Variants in MBD5 observed in about 807,000 individuals in gnomAD.
The protein encoded by MBD5 is methyl-CpG-binding domain protein 5.
Under a neutral mutation model 117.3 loss-of-function variants are expected in MBD5, and 13 were observed. That is an observed-to-expected ratio of 0.11 (90% CI 0.07 to 0.18). MBD5 has a LOEUF of 0.18. MBD5 is among the 10% of genes least tolerant of loss of function. The pLI, the probability that MBD5 is intolerant of heterozygous loss-of-function variation, is 1.00. For synonymous variants in MBD5, 727 were observed against 766.4 expected, an observed-to-expected ratio of 0.95 and a Z score of 0.85; for missense variants, 1,879 against 2,093.8, an observed-to-expected ratio of 0.90 and a Z score of 2.00.
Position 148,228,410 on chromosome 2 carries a change from C to T in MBD5, c.-830-4835C>T, listed in dbSNP as rs568251885. On this transcript the variant is annotated intron_variant, in intron 2 of 13. Coordinates refer to ENST00000642680, the MANE Select transcript of MBD5 (RefSeq NM_001378120.1). ...TTGGCTCTGTTTATATGCTGGATTACGTTTATTGATTTTCGTATGATGAAC... is the reference window on the plus strand; with the variant it reads ...TTGGCTCTGTTTATATGCTGGATTATGTTTATTGATTTTCGTATGATGAAC... Among the ~76,000 whole-genome samples the T allele has an allele frequency of 1.7e-3, 253 of 152,220 alleles. 1 individual carries two copies. The highest frequency in any genetic ancestry group is 2.0e-3 in the Non-Finnish European group (139 of 68,026).
intron 1 of MBD5, among the ~76,000 whole-genome samples, chr2:148,038,854 A>T (rs576506275): frequency 1.3e-5 from 2 of 152,164 alleles, no homozygotes; most frequent in Non-Finnish European, 2.9e-5. Context: ...TTGTTTCAAA[A>T]ATATATATTA....
At chr2:148,246,720 C>G (rs1005415896) in intron 3 of MBD5, among the ~76,000 whole-genome samples, 1 of 145,072 alleles carries the variant, frequency 6.9e-6, no homozygotes, top group East Asian at 2.1e-4. Flanking sequence ...GCCGAAATTG[C>G]GCCACTGCAC....
intron 2 of MBD5, among the ~76,000 whole-genome samples, chr2:148,218,806 A>G (rs1409545614): frequency 3.3e-5 from 5 of 152,224 alleles, no homozygotes; most frequent in Admixed American, 3.3e-4. Context: ...GTACATCTGT[A>G]TAGAAGATTT....
At chr2:148,419,711 A>G (rs1313261148) in intron 4 of MBD5, among the ~76,000 whole-genome samples, 1 of 152,078 alleles carries the variant, frequency 6.6e-6, no homozygotes. Flanking sequence ...ATATGTTAGT[A>G]TTATATCCAG....
intron 3 of MBD5, among the ~76,000 whole-genome samples, chr2:148,280,150 A>AAG (rs1701214845): frequency 6.7e-6 from 1 of 148,234 alleles, no homozygotes; most frequent in African/African-American, 2.5e-5. Context: ...AAAAAAAAAA[A>AAG]CAAAAAGAAA....
At chr2:148,101,096 A>G (rs1436600738) in intron 1 of MBD5, among the ~76,000 whole-genome samples, 1 of 152,180 alleles carries the variant, frequency 6.6e-6, no homozygotes, top group Non-Finnish European at 1.5e-5. Context: ...CTTTTAAGGT[A>G]TATTGTAAAT....
intron 1 of MBD5, among the ~76,000 whole-genome samples, chr2:148,093,991 A>T (rs1696003234): frequency 6.6e-6 from 1 of 152,118 alleles, no homozygotes; most frequent in South Asian, 2.1e-4. Context: ...ATTCTTGGAG[A>T]AACTTGTTGT....
chr2:148,293,535 T>A (rs924835967), intron 3 of MBD5, among the ~76,000 whole-genome samples: 2 of 152,132 alleles, frequency 1.3e-5, no homozygotes, highest in Admixed American at 6.5e-5. Flanking sequence ...CTACAATAAT[T>A]TTTTTGAAAA....
chr2:148,131,768 T>C (rs868087161), intron 1 of MBD5, among the ~76,000 whole-genome samples: 4 of 152,232 alleles, frequency 2.6e-5, no homozygotes, highest in Admixed American at 1.3e-4. Flanking sequence ...AAAAATTATC[T>C]TAAATATTTT....
At chr2:148,208,860 TATC>T (rs1260467818) in intron 2 of MBD5, among the ~76,000 whole-genome samples, 2 of 152,180 alleles carry the variant, frequency 1.3e-5, no homozygotes, top group Non-Finnish European at 2.9e-5. Flanking sequence ...ATAGAAATAG[TATC>T]ATCAAATACC....
chr2:148,424,304 T>C (rs960408643), intron 4 of MBD5, among the ~76,000 whole-genome samples: 19 of 141,722 alleles, frequency 1.3e-4, no homozygotes, highest in Non-Finnish European at 2.6e-4. Flanking sequence ...TACATAATGA[T>C]AAAGGGATCA....
chr2:148,280,979 T>C (rs974213795), intron 3 of MBD5, among the ~76,000 whole-genome samples: 3 of 152,198 alleles, frequency 2.0e-5, no homozygotes, highest in Non-Finnish European at 4.4e-5. Flanking sequence ...AGATCATCTT[T>C]TTCTAACCTC....
intron 3 of MBD5, chr2:148,330,507 T>C (rs544248093): frequency 6.6e-6 from 1 of 152,334 alleles, no homozygotes; most frequent in African/African-American, 2.4e-5. Context: ...ACTCAGGCTA[T>C]ATGACCTACT....
intron 3 of MBD5, among the ~76,000 whole-genome samples, chr2:148,262,867 T>A (rs1664639408): frequency 6.6e-6 from 1 of 152,186 alleles, no homozygotes; most frequent in Admixed American, 6.5e-5. Context: ...AGCAATAGCC[T>A]TAGGTGGGAC....
At chr2:148,043,299 A>G (rs1308957491) in intron 1 of MBD5, among the ~76,000 whole-genome samples, 5 of 151,382 alleles carry the variant, frequency 3.3e-5, no homozygotes, top group Non-Finnish European at 7.4e-5. Flanking sequence ...AAATAAATAA[A>G]TAAATTAGCC....
At chr2:148,451,230 G>A (rs377057978) in intron 4 of MBD5, among the ~76,000 whole-genome samples, 8 of 152,236 alleles carry the variant, frequency 5.3e-5, no homozygotes, top group East Asian at 1.9e-4. Flanking sequence ...TTATTGGATC[G>A]CTTACAAAGG....
At chr2:148,134,589 T>C (rs545524186) in intron 1 of MBD5, among the ~76,000 whole-genome samples, 17 of 152,320 alleles carry the variant, frequency 1.1e-4, no homozygotes, top group Admixed American at 7.2e-4. Context: ...AGCTTAAGAA[T>C]GTTTAATTCC....
chr2:148,152,319 C>A (rs201627138), intron 1 of MBD5, among the ~76,000 whole-genome samples: 1 of 151,986 alleles, frequency 6.6e-6, no homozygotes, highest in African/African-American at 2.4e-5. Flanking sequence ...TTGTTATAAT[C>A]TCTGTTCTTT....
intron 4 of MBD5, among the ~76,000 whole-genome samples, chr2:148,445,812 T>G (rs1186627857): frequency 6.6e-6 from 1 of 151,398 alleles, no homozygotes; most frequent in Non-Finnish European, 1.5e-5. Flanking sequence ...TTTTCTGACT[T>G]TAATGGTCGC....
Sources: gnomAD v4.1 joint callset for allele counts (sites outside exome capture counted in the v4.1 genomes callset) on GRCh38, gnomAD v4.1.1 for gene constraint, MANE v1.5 for transcripts, NCBI Gene and HGNC (gene_info 2026-07-23, HGNC 2026-07-21) for gene names.